Variants in DERA observed in about 807,000 individuals in gnomAD.
The protein encoded by DERA is 2-deoxy-D-ribose 5-phosphate aldolase.
In DERA, 15 loss-of-function variants were observed where a neutral mutation model predicts 41.1. The ratio of observed to expected loss-of-function variants is 0.37; its 90% confidence interval spans 0.24 to 0.56. The LOEUF is 0.56. Among genes scored for constraint, DERA ranks in the 20% least tolerant of loss-of-function variants. The pLI, the probability that DERA is intolerant of heterozygous loss-of-function variation, is 0.81. For synonymous variants in DERA, 139 were observed against 137.4 expected (o/e 1.01, Z -0.08); for missense variants, 396 against 403.4 (o/e 0.98, Z 0.16).
At chr12:15,961,944 A>G (rs1436971993) in intron 4 of DERA, among the ~76,000 whole-genome samples, 2 of 152,158 alleles carry the variant, frequency 1.3e-5, no homozygotes, top group African/African-American at 2.4e-5. Context: ...GGGTTTCACC[A>G]TGTTGACCAG....
intron 5 of DERA, among the ~76,000 whole-genome samples, chr12:15,963,390 A>T (rs1948601445): frequency 6.6e-6 from 1 of 152,158 alleles, no homozygotes. Flanking sequence ...CTTTAAAGGT[A>T]TGGGATTATT....
rs1393177948 is a variant in DERA, at chr12:15,983,331, T to C, written c.637+895T>C. ...CCTAAGACCCTGGCTGTGCCTCTGCTGTGTCATTTTCCCTTCACACCATGT... is the reference window on the plus strand; with the variant it reads ...CCTAAGACCCTGGCTGTGCCTCTGCCGTGTCATTTTCCCTTCACACCATGT... On this transcript the variant is annotated intron_variant, in intron 6 of 8. Transcript: ENST00000428559. The surrounding 1 kb of genome is among the most constrained non-coding windows in gnomAD (Gnocchi z 6.2). Among the ~76,000 whole-genome samples, 1 of 152,234 alleles carries C rather than the reference T, an allele frequency of 6.6e-6. No homozygotes were observed. Among genetic ancestry groups the C allele is most frequent in the Non-Finnish European group, 1.5e-5 (1 of 68,038 alleles).
Position 16,004,600 on chromosome 12 carries a change from A to G in DERA, c.637+22164A>G, listed in dbSNP as rs1948897665. 6.6e-6 allele frequency among the ~76,000 whole-genome samples: 1 copy of G among 152,212 alleles called. No homozygotes were observed. Among genetic ancestry groups the G allele is most frequent in the African/African-American group, 2.4e-5 (1 of 41,458 alleles). The stretch of plus-strand genomic sequence containing the variant: ...TTTCTAAATGTTTAATAGTAGTCAT[A>G]TTAACTTATTAAATTGTATGCTCTC... On this transcript the variant is annotated intron_variant, in intron 6 of 8. Coordinates refer to ENST00000428559, the MANE Select transcript of DERA (RefSeq NM_015954.4). The surrounding 1 kb of genome is among the most constrained non-coding windows in gnomAD (Gnocchi z 4.2).
Position 15,994,587 on chromosome 12 carries a change from G to A in DERA, c.637+12151G>A, listed in dbSNP as rs1429826608. 6.6e-6 allele frequency among the ~76,000 whole-genome samples: 1 copy of A among 152,146 alleles called. No individual in the cohort carries two copies. Among genetic ancestry groups the A allele is most frequent in the East Asian group, 1.9e-4 (1 of 5,172 alleles). On this transcript the variant is annotated intron_variant, in intron 6 of 8. Transcript: ENST00000428559. This position sits in a 1 kb window ranked among gnomAD's most constrained non-coding sequence, Gnocchi z 4.8. ...TCCTGCCTCAGCCTCCTGAATAGCTGGGACTACAGGCGCCTGCAACCACGC... is the reference window on the plus strand; with the variant it reads ...TCCTGCCTCAGCCTCCTGAATAGCTAGGACTACAGGCGCCTGCAACCACGC...
Position 16,023,508 on chromosome 12 carries a change from C to T in DERA, c.638-9034C>T, listed in dbSNP as rs563433869. Among the ~76,000 whole-genome samples, 220 of 131,108 alleles carry T rather than the reference C, an allele frequency of 1.7e-3. 1 individual carries two copies. The highest frequency in any genetic ancestry group is 6.3e-3 in the African/African-American group (206 of 32,958). 86.0% of individuals were successfully genotyped at this position (131,108 alleles called of 152,430 possible). ...TTTTTTTTTTTTTGAGACGGAGTCTCGCTCTGTCACCCAGGCTGGAGTGCA... is the reference window on the plus strand; with the variant it reads ...TTTTTTTTTTTTTGAGACGGAGTCTTGCTCTGTCACCCAGGCTGGAGTGCA... On this transcript the variant is annotated intron_variant, in intron 6 of 8. Coordinates refer to ENST00000428559, the MANE Select transcript of DERA (RefSeq NM_015954.4).
chr12:15,990,335 A>G lies in DERA; in HGVS notation c.637+7899A>G, dbSNP rs571741857. On this transcript the variant is annotated intron_variant, in intron 6 of 8. Transcript: ENST00000428559. This position sits in a 1 kb window ranked among gnomAD's most constrained non-coding sequence, Gnocchi z 4.3. ...TGCTAACACTTGCCTCTGTATTCAA[A>G]AAGAAAGGTACAAAAGAATGATTAA... Among the ~76,000 whole-genome samples the G allele has an allele frequency of 6.6e-6, 1 of 152,326 alleles. No individual in the cohort carries two copies. Among genetic ancestry groups the G allele is most frequent in the South Asian group, 2.1e-4 (1 of 4,826 alleles).
Position 15,986,718 on chromosome 12 carries a change from A to C in DERA, c.637+4282A>C, listed in dbSNP as rs1035393293. On this transcript the variant is annotated intron_variant, in intron 6 of 8. Transcript: ENST00000428559. ...CAGTCACTTGTCTTTTGAGGACATT[A>C]ACAAAGAAAAAACTAAGATAAGCTA... Among the ~76,000 whole-genome samples, 5 of 152,326 alleles carry C rather than the reference A, an allele frequency of 3.3e-5. No homozygotes were observed. The Middle Eastern group carries it at 0.01, about 311-fold the overall frequency.
rs113965892 is a variant in DERA at position 16,008,391 on chromosome 12, G to T, written c.638-24151G>T. 6.6e-6 allele frequency among the ~76,000 whole-genome samples: 1 copy of T among 152,204 alleles called. No individual in the cohort carries two copies. The highest frequency in any genetic ancestry group is 6.5e-5 in the Admixed American group (1 of 15,280). ...ACTCTGACTCCTGTCTGATTTGCCAGTGTAGATGGGGTGGGGAATTACCTG... is the reference window on the plus strand; with the variant it reads ...ACTCTGACTCCTGTCTGATTTGCCATTGTAGATGGGGTGGGGAATTACCTG... On this transcript the variant is annotated intron_variant, in intron 6 of 8. Transcript: ENST00000428559. This position sits in a 1 kb window ranked among gnomAD's most constrained non-coding sequence, Gnocchi z 4.8.
chr12:16,025,696 T>A (rs1949048749), intron 6 of DERA, among the ~76,000 whole-genome samples: 1 of 152,118 alleles, frequency 6.6e-6, no homozygotes, highest in African/African-American at 2.4e-5. Flanking sequence ...GCACTGTCAT[T>A]CAATATGATC....
Position 15,988,272 on chromosome 12 carries a change from C to T in DERA, c.637+5836C>T, listed in dbSNP as rs559305943. Among the ~76,000 whole-genome samples the T allele has an allele frequency of 7.9e-5, 12 of 152,260 alleles. No individual in the cohort carries two copies. The East Asian group carries it at 1.4e-3, about 17-fold the overall frequency. On this transcript the variant is annotated intron_variant, in intron 6 of 8. Transcript: ENST00000428559. This position sits in a 1 kb window ranked among gnomAD's most constrained non-coding sequence, Gnocchi z 6.0. Reference sequence around the variant, plus strand: ...GTTTGTGTTACAGCTCTTTCAGTCCCGCCATTTGGTGGGTCCTGAGTTCTT... The same window carrying T: ...GTTTGTGTTACAGCTCTTTCAGTCCTGCCATTTGGTGGGTCCTGAGTTCTT...
At chr12:15,968,395 AAAG>A (rs1342691232) in intron 5 of DERA, among the ~76,000 whole-genome samples, 1 of 152,178 alleles carries the variant, frequency 6.6e-6, no homozygotes, top group African/African-American at 2.4e-5. Flanking sequence ...GCTCTTGAGA[AAAG>A]AAGACTTTCC....
At chr12:15,987,897 G>A (rs1001557646) in intron 6 of DERA, among the ~76,000 whole-genome samples, 18 of 152,290 alleles carry the variant, frequency 1.2e-4, no homozygotes, top group Non-Finnish European at 2.2e-4. Flanking sequence ...CAGGCGCGGA[G>A]TGGCAAGGGA....
Position 15,966,943 on chromosome 12 carries a change from G to C in DERA, c.508+3996G>C, listed in dbSNP as rs375587718. On this transcript the variant is annotated intron_variant, in intron 5 of 8. Transcript: ENST00000428559. The surrounding 1 kb of genome is among the most constrained non-coding windows in gnomAD (Gnocchi z 5.1). ...CCCGGGGCCACCTGCTCCAGAACTC[G>C]TATTCCGTTGTATCACTACACCATG... Among the ~76,000 whole-genome samples, 1 of 152,044 alleles carries C rather than the reference G, an allele frequency of 6.6e-6. No homozygotes were observed. The highest frequency in any genetic ancestry group is 1.5e-5 in the Non-Finnish European group (1 of 68,022).
chr12:15,923,017 CTTTTTTTT>C (rs1208644862), intron 1 of DERA, among the ~76,000 whole-genome samples: 1 of 104,440 alleles, frequency 9.6e-6, no homozygotes, highest in African/African-American at 3.6e-5. Context: ...TTTGTTTTTG[CTTTTTTTT>C]TTTTTTTTTT....
At position 16,019,042 on chromosome 12, in the gene DERA, G is replaced by C. The variant is rs1949002141; in HGVS notation, c.638-13500G>C. 6.6e-6 allele frequency among the ~76,000 whole-genome samples: 1 copy of C among 152,158 alleles called. No individual in the cohort carries two copies. The highest frequency in any genetic ancestry group is 2.4e-5 in the African/African-American group (1 of 41,442). On this transcript the variant is annotated intron_variant, in intron 6 of 8. Transcript: ENST00000428559. The surrounding 1 kb of genome is among the most constrained non-coding windows in gnomAD (Gnocchi z 4.4). Reference sequence around the variant, plus strand: ...CTTGGCTAATGTTAGATTTATGTGAGCTCTGAAGAGAGTCTGTAGTGCTGT... The same window carrying C: ...CTTGGCTAATGTTAGATTTATGTGACCTCTGAAGAGAGTCTGTAGTGCTGT...
In DERA at chr12:15,911,888, GCTCAAAATGTA is replaced by G; in HGVS notation, c.31+475_31+485del. ...CGTGGAAAAGTTGTCAGCCGTCTGT[GCTCAAAATGTA>G]ACACTGCAGATTCATGGGATTTTAG... On this transcript the variant is annotated intron_variant, in intron 1 of 8. Transcript: ENST00000428559. The surrounding 1 kb of genome is among the most constrained non-coding windows in gnomAD (Gnocchi z 4.5). 1 of 415,616 alleles carries G rather than the reference GCTCAAAATGTA, an allele frequency of 2.4e-6. No individual in the cohort carries two copies. Among genetic ancestry groups the G allele is most frequent in the Non-Finnish European group, 4.8e-6 (1 of 208,396 alleles). 25.7% of individuals were successfully genotyped at this position (415,616 alleles called of 1,614,324 possible). A position where few individuals can be genotyped will look rare whatever the true frequency, so the allele number is the denominator to read the frequency against.
rs2136177688 is a variant in DERA, at chr12:16,008,346, TC to T, written c.638-24194del. Among the ~76,000 whole-genome samples the T allele has an allele frequency of 6.6e-6, 1 of 152,356 alleles. No homozygotes were observed. The highest frequency in any genetic ancestry group is 1.9e-4 in the East Asian group (1 of 5,188). On this transcript the variant is annotated intron_variant, in intron 6 of 8. Coordinates refer to ENST00000428559, the MANE Select transcript of DERA (RefSeq NM_015954.4). The surrounding 1 kb of genome is among the most constrained non-coding windows in gnomAD (Gnocchi z 4.8). ...ATCTCTCCTGCCTTGGTCCTTTCCT[TC>T]CACATTTTATTCAGTTGGACTCTGA...
At chr12:15,978,534 C>A (rs531160617) in intron 5 of DERA, among the ~76,000 whole-genome samples, 2 of 152,290 alleles carry the variant, frequency 1.3e-5, no homozygotes, top group Admixed American at 6.5e-5. Context: ...AGTAATTAGG[C>A]TTAGAGAAAT....
chr12:15,911,515 C>T lies in DERA; in HGVS notation c.31+101C>T. On this transcript the variant is annotated intron_variant, in intron 1 of 8. Coordinates refer to ENST00000428559, the MANE Select transcript of DERA (RefSeq NM_015954.4). The surrounding 1 kb of genome is among the most constrained non-coding windows in gnomAD (Gnocchi z 4.5). ...CGCCCAGTGCCCTGGCTGTGGGTCC[C>T]CGAGGGGTTTTCGCTGGGGCGGGAA... is the stretch of plus-strand genomic sequence containing the variant. The T allele has an allele frequency of 8.2e-7, 1 of 1,218,270 alleles. No individual in the cohort carries two copies. The highest frequency in any genetic ancestry group is 1.6e-5 in the South Asian group (1 of 63,684). The allele number at this position is 1,218,270 out of a possible 1,614,324, so 75.5% of individuals were successfully genotyped here.
Sources: gnomAD v4.1 joint callset for allele counts (sites outside exome capture counted in the v4.1 genomes callset) on GRCh38, gnomAD v4.1.1 for gene constraint, Gnocchi (gnomAD v3.1) non-coding constraint, MANE v1.5 for transcripts, NCBI Gene and HGNC (gene_info 2026-07-23, HGNC 2026-07-21) for gene names.